Variants in ZFPM2 observed in about 807,000 individuals in gnomAD.
ZFPM2 encodes zinc finger protein, FOG family member 2, also known as zinc finger protein ZFPM2.
ZFPM2 carries 20 observed loss-of-function variants against 98.6 expected under a neutral mutation model. That is an observed-to-expected ratio of 0.20 (90% confidence interval 0.14 to 0.29). ZFPM2 has a LOEUF of 0.29. Ranked by LOEUF, ZFPM2 falls within the 10% of genes least tolerant of loss-of-function variation. ZFPM2 has a pLI of 1.00. For missense variants in ZFPM2, 1,310 were observed against 1,388.6 expected, an observed-to-expected ratio of 0.94 and a Z score of 0.90; for synonymous variants, 518 against 502.7, an observed-to-expected ratio of 1.03 and a Z score of -0.41.
chr8:105,436,512 C>CAAAAA (rs11295878), intron 2 of ZFPM2, among the ~76,000 whole-genome samples: 2 of 100,554 alleles, frequency 2.0e-5, no homozygotes, highest in African/African-American at 3.4e-5. Flanking sequence ...AACTCCGTCT[C>CAAAAA]AAAAAAAAAA....
rs531589276 is a variant in ZFPM2 at position 105,445,253 on chromosome 8, A to G, written c.301+872A>G. Among the ~76,000 whole-genome samples, 207 of 152,308 alleles carry G rather than the reference A, an allele frequency of 1.4e-3. 2 individuals are homozygous for G. The highest frequency in any genetic ancestry group is 4.7e-3 in the African/African-American group (196 of 41,564). ...ATTTTCTGAAACCAGCAGCTGGAAA[A>G]TATAATGCAAACAAAAATGAAGATA... On this transcript the variant is annotated intron_variant, in intron 3 of 7. Transcript: ENST00000407775.
chr8:105,759,548 C>T (rs190041435), intron 5 of ZFPM2, among the ~76,000 whole-genome samples: 4 of 151,218 alleles, frequency 2.6e-5, no homozygotes, highest in South Asian at 2.1e-4. Context: ...CATGTGATTC[C>T]GGTTGATGCA....
At chr8:105,742,049 G>A (rs182678964) in intron 5 of ZFPM2, among the ~76,000 whole-genome samples, 15 of 151,948 alleles carry the variant, frequency 9.9e-5, no homozygotes, top group African/African-American at 3.1e-4. Context: ...AAAGAATGTT[G>A]GAAACTGGGT....
intron 5 of ZFPM2, among the ~76,000 whole-genome samples, chr8:105,644,873 A>T (rs1817013581): frequency 6.6e-6 from 1 of 152,144 alleles, no homozygotes; most frequent in African/African-American, 2.4e-5. Context: ...TAATTGCCTC[A>T]CAAAAGCCTT....
chr8:105,439,327 A>C (rs575669504), intron 2 of ZFPM2, among the ~76,000 whole-genome samples: 2 of 152,162 alleles, frequency 1.3e-5, no homozygotes, highest in Non-Finnish European at 2.9e-5. Context: ...TCAGGTGTTC[A>C]TGGTTCTCTC....
intron 4 of ZFPM2, among the ~76,000 whole-genome samples, chr8:105,572,723 G>A (rs1224791525): frequency 1.3e-5 from 2 of 152,116 alleles, no homozygotes; most frequent in Non-Finnish European, 2.9e-5. Flanking sequence ...GCGTGCCTTG[G>A]CCTCCCAAAA....
At chr8:105,602,992 A>G (rs1001963208) in intron 4 of ZFPM2, among the ~76,000 whole-genome samples, 12 of 152,110 alleles carry the variant, frequency 7.9e-5, no homozygotes, top group Non-Finnish European at 1.6e-4. Context: ...TAACCTATGT[A>G]ACAAACTAAA....
At chr8:105,494,087 G>A (rs1813409311) in intron 3 of ZFPM2, among the ~76,000 whole-genome samples, 1 of 150,218 alleles carries the variant, frequency 6.7e-6, no homozygotes, top group Non-Finnish European at 1.5e-5. Flanking sequence ...CTCAGCCTGT[G>A]CATGCTTCCT....
intron 5 of ZFPM2, among the ~76,000 whole-genome samples, chr8:105,681,835 C>CT (rs1175236606): frequency 6.6e-6 from 1 of 151,896 alleles, no homozygotes; most frequent in East Asian, 1.9e-4. Flanking sequence ...TGCTTTGTGT[C>CT]TTTTTTTTCA....
At chr8:105,635,497 T>C (rs1202991352) in intron 5 of ZFPM2, among the ~76,000 whole-genome samples, 1 of 152,092 alleles carries the variant, frequency 6.6e-6, no homozygotes, top group Admixed American at 6.5e-5. Flanking sequence ...GATCTGATTA[T>C]ACTTTTTTCC....
chr8:105,746,770 C>G (rs1563546989), intron 5 of ZFPM2, among the ~76,000 whole-genome samples: 1 of 149,056 alleles, frequency 6.7e-6, no homozygotes, highest in Admixed American at 6.8e-5. Context: ...ACAGTTGCCT[C>G]TGTTTCTCTT....
chr8:105,523,807 G>A (rs1400204315), intron 3 of ZFPM2, among the ~76,000 whole-genome samples: 1 of 152,084 alleles, frequency 6.6e-6, no homozygotes, highest in Non-Finnish European at 1.5e-5. Context: ...TTATTTTTGT[G>A]GTATGTTGGG....
intron 5 of ZFPM2, among the ~76,000 whole-genome samples, chr8:105,704,469 T>C (rs1292463320): frequency 6.6e-6 from 1 of 152,170 alleles, no homozygotes; most frequent in Admixed American, 6.5e-5. Flanking sequence ...AGAATTAAGC[T>C]ATATCATGTT....
intron 1 of ZFPM2, among the ~76,000 whole-genome samples, chr8:105,361,994 A>G (rs1310256079): frequency 6.6e-6 from 1 of 152,130 alleles, no homozygotes; most frequent in Admixed American, 6.6e-5. Flanking sequence ...TTACATAACA[A>G]TGAAATCACC....
chr8:105,500,387 A>G (rs1292464398), intron 3 of ZFPM2, among the ~76,000 whole-genome samples: 1 of 152,192 alleles, frequency 6.6e-6, no homozygotes, highest in Non-Finnish European at 1.5e-5. Flanking sequence ...CACTTAAGAA[A>G]TTATTCTAAA....
At chr8:105,433,651 G>A (rs569701656) in intron 2 of ZFPM2, among the ~76,000 whole-genome samples, 3 of 152,258 alleles carry the variant, frequency 2.0e-5, no homozygotes, top group African/African-American at 7.2e-5. Context: ...GCTGGGCGTG[G>A]TGGCGGGAGC....
chr8:105,366,987 T>A (rs1275272801), intron 1 of ZFPM2, among the ~76,000 whole-genome samples: 137 of 140,670 alleles, frequency 9.7e-4, no homozygotes, highest in Admixed American at 5.9e-3. Flanking sequence ...AGGGAATCCT[T>A]TCCCCATTGC....
intron 5 of ZFPM2, among the ~76,000 whole-genome samples, chr8:105,706,413 G>A (rs1316770229): frequency 6.6e-6 from 1 of 152,118 alleles, no homozygotes; most frequent in Non-Finnish European, 1.5e-5. Context: ...TAGTCAACTT[G>A]ATTAAAATGC....
intron 3 of ZFPM2, among the ~76,000 whole-genome samples, chr8:105,561,026 C>A (rs1426548710): frequency 6.6e-6 from 1 of 152,124 alleles, no homozygotes; most frequent in Non-Finnish European, 1.5e-5. Flanking sequence ...GATTGTCCTA[C>A]TGTTTCTTGT....
Sources: allele counts gnomAD v4.1 joint callset (sites outside exome capture counted in the v4.1 genomes callset), GRCh38; gene constraint gnomAD v4.1.1; transcripts MANE v1.5; gene names NCBI Gene and HGNC (gene_info 2026-07-23, HGNC 2026-07-21).